CHD4: variants seen among roughly 807,000 people sequenced by gnomAD.
CHD4 encodes ATP-dependent chromatin remodeler CHD4.
CHD4 carries 35 observed loss-of-function variants against 235.5 expected under a neutral mutation model. The ratio of observed to expected loss-of-function variants is 0.15; its 90% CI spans 0.11 to 0.20. CHD4 has a LOEUF of 0.20. Among genes scored for constraint, CHD4 ranks in the 10% least tolerant of loss-of-function variants. The pLI, the probability that CHD4 is intolerant of heterozygous loss-of-function variation, is 1.00. For synonymous variants in CHD4, 900 were observed against 850.2 expected, an observed-to-expected ratio of 1.06 and a Z score of -1.02; for missense variants, 1,329 against 2,432.3, an observed-to-expected ratio of 0.55 and a Z score of 9.54.
rs1948529153 is a variant in CHD4, at chr12:6,598,007, C to T, written c.1779G>A (p.Glu593=). The change falls in exon 12 of 40, where the codon GAG becomes GAA. Residue 593 remains glutamate (E), a synonymous_variant. Coordinates refer to ENST00000544040, the MANE Select transcript of CHD4 (RefSeq NM_001273.5). ...CCTTGTTCTTTCGCTTTCGGCTTTTCTCTTCATCACCACCAAAGTCCCCAG... is the reference window on the plus strand; with the variant it reads ...CCTTGTTCTTTCGCTTTCGGCTTTTTTCTTCATCACCACCAAAGTCCCCAG... ...PPSGDFGGDE[E]KSRKRKNKDP... The T allele has an allele frequency of 1.9e-6, 3 of 1,614,102 alleles. No individual in the cohort carries two copies. Among genetic ancestry groups the T allele is most frequent in the South Asian group, 1.1e-5 (1 of 91,084 alleles).
chr12:6,584,384 G>A (rs1948245541), intron 25 of CHD4: 2 of 152,158 alleles, frequency 1.3e-5, no homozygotes, highest in Non-Finnish European at 1.5e-5. Flanking sequence ...AAAGAGATAC[G>A]TGTGTGTACA....
At chr12:6,599,422 A>G (rs1337949097) in intron 10 of CHD4, among the ~76,000 whole-genome samples, 1 of 152,142 alleles carries the variant, frequency 6.6e-6, no homozygotes, top group East Asian at 1.9e-4. Context: ...CCCGGATGAC[A>G]GAATGAGACC....
intron 3 of CHD4, 62 bp from the exon 4 acceptor site, chr12:6,602,237 T>C (rs573196276): frequency 6.2e-7 from 1 of 1,602,474 alleles, no homozygotes; most frequent in East Asian, 2.2e-5. Context: ...CATGCTGACC[T>C]CAGGACAGCC....
chr12:6,572,013 C>A, intron 38 of CHD4: 1 of 152,422 alleles, frequency 6.6e-6, no homozygotes, highest in Non-Finnish European at 1.5e-5. Flanking sequence ...GTAGTCCCAG[C>A]TACTCAGGAG....
At position 6,600,567 on chromosome 12, in the gene CHD4, T is replaced by C. The variant is rs1948571552; in HGVS notation, c.1030A>G (p.Lys344Glu). The part of the protein sequence containing the change: ...GSTSRSSRSR[K>E]KLRTTKKKKK... ...TTCTTTTTAGTGGTTCGGAGTTTCT[T>C]GCGGCTGCGGCTACTACGGCTGGTG... is the stretch of plus-strand genomic sequence containing the variant. The change falls in exon 8 of 40, where the codon AAG becomes GAG. Residue 344 changes from lysine (K) to glutamate (E), a missense_variant. Lys to Glu is a moderately conservative substitution (Grantham distance 56, BLOSUM62 1). Transcript: ENST00000544040. The C allele has an allele frequency of 6.2e-7, 1 of 1,614,128 alleles. No individual in the cohort carries two copies. Among genetic ancestry groups the C allele is most frequent in the Non-Finnish European group, 8.5e-7 (1 of 1,180,024 alleles).
intron 12 of CHD4, among the ~76,000 whole-genome samples, chr12:6,596,716 CT>C (rs1455618188): frequency 5.3e-5 from 8 of 152,000 alleles, no homozygotes; most frequent in African/African-American, 1.9e-4. Flanking sequence ...AGGAGAATTG[CT>C]TGAACCCGGG....
chr12:6,582,168 C>A lies in CHD4; in HGVS notation c.4484G>T (p.Arg1495Ile). 6.3e-7 allele frequency: 1 copy of A among 1,591,926 alleles called. No individual in the cohort carries two copies. Among genetic ancestry groups the A allele is most frequent in the Non-Finnish European group, 8.5e-7 (1 of 1,170,674 alleles). The stretch of plus-strand genomic sequence containing the variant: ...GCGAATCAAAGACATAACACCAATT[C>A]TAGTAAGGACATGCTGGCGAGACAG... Reference protein sequence around the residue: ...EGLSRQHVLTRIGVMSLIRKK... With the variant: ...EGLSRQHVLTIIGVMSLIRKK... Residue 1495 changes from arginine to isoleucine, a missense_variant, in exon 30 of 40, where the codon AGA becomes ATA. Arg to Ile is a moderately conservative substitution (Grantham distance 97, BLOSUM62 -3). Around this residue, in one of 26 missense-constraint regions of CHD4, gnomAD observed 48 missense variants for 109.6 expected, o/e 0.44. Coordinates refer to ENST00000544040, the MANE Select transcript of CHD4 (RefSeq NM_001273.5).
At chr12:6,575,189 T>C (rs1450007393) in intron 37 of CHD4, among the ~76,000 whole-genome samples, 1 of 152,182 alleles carries the variant, frequency 6.6e-6, no homozygotes, top group Non-Finnish European at 1.5e-5. Flanking sequence ...GGCTCACACT[T>C]GTAATCCCAG....
At chr12:6,580,962 G>A (rs917629805) in intron 33 of CHD4, 82 bp downstream of exon 33, 68 of 1,509,486 alleles carry the variant, frequency 4.5e-5, no homozygotes, top group East Asian at 2.0e-4. Context: ...AGCCAAGATC[G>A]CGCCACAGCA....
chr12:6,587,334 A>C, intron 25 of CHD4, 50 bp downstream of exon 25: 1 of 1,579,382 alleles, frequency 6.3e-7, no homozygotes, highest in East Asian at 2.3e-5. Context: ...TCTCAATGCC[A>C]ATTTTCAGAC....
chr12:6,590,280 G>A (rs1020101195), intron 22 of CHD4: 10 of 152,136 alleles, frequency 6.6e-5, no homozygotes, highest in South Asian at 2.1e-4. Flanking sequence ...AATGGAACAC[G>A]GGACCTGGGA....
intron 14 of CHD4, 55 bp from the exon 15 acceptor site, chr12:6,594,705 A>G: frequency 6.6e-7 from 1 of 1,510,196 alleles, no homozygotes; most frequent in South Asian, 1.2e-5. Flanking sequence ...CTCCTCCCCT[A>G]ATAGAGCAGC....
At chr12:6,573,395 C>T (rs369776883) in intron 37 of CHD4, 126 bp from the exon 38 acceptor site, 3 of 684,052 alleles carry the variant, frequency 4.4e-6, no homozygotes, top group East Asian at 3.4e-5. Context: ...ACTTCATGGA[C>T]AGCTCATTCC....
Position 6,594,567 on chromosome 12 carries a change from A to G in CHD4, c.2205T>C (p.Asn735=), listed in dbSNP as rs750708586. 6 of 1,614,160 alleles carry G rather than the reference A, an allele frequency of 3.7e-6. No individual in the cohort carries two copies. Among genetic ancestry groups the G allele is most frequent in the Admixed American group, 3.3e-5 (2 of 60,012 alleles). Residue 735 remains asparagine (N), a synonymous_variant, in exon 15 of 40, where the codon AAT becomes AAC. Coordinates refer to ENST00000544040, the MANE Select transcript of CHD4 (RefSeq NM_001273.5). Reference sequence around the variant, plus strand: ...CCTGAGCCCAGGAGAAGCGCAACCAATTCAGGCCCTCCATTTGATAGGGGT... The same window carrying G: ...CCTGAGCCCAGGAGAAGCGCAACCAGTTCAGGCCCTCCATTTGATAGGGGT... ...TLHPYQMEGL[N]WLRFSWAQGT...
rs748803108 is a variant in CHD4, at chr12:6,594,495, T to C, written c.2277A>G (p.Val759=). 6.8e-6 allele frequency: 11 copies of C among 1,613,756 alleles called. No individual in the cohort carries two copies. The highest frequency in any genetic ancestry group is 7.6e-6 in the Non-Finnish European group (9 of 1,179,872). ...LADEMGLGKT[V]QTAVFLYSLY... Reference sequence around the variant, plus strand: ...GGGAATACAGGAAGACTGCTGTCTGTACAGTTTTCCCAAGGCCCATCTCAT... The same window carrying C: ...GGGAATACAGGAAGACTGCTGTCTGCACAGTTTTCCCAAGGCCCATCTCAT... Residue 759 remains valine (V), a synonymous_variant, in exon 15 of 40, where the codon GTA becomes GTG. Transcript: ENST00000544040.
At chr12:6,574,978 C>G (rs945150753) in intron 37 of CHD4, among the ~76,000 whole-genome samples, 2 of 152,138 alleles carry the variant, frequency 1.3e-5, no homozygotes, top group Non-Finnish European at 2.9e-5. Flanking sequence ...CTATTTCATG[C>G]CACTTCATGA....
rs1221725344 is a variant in CHD4 at position 6,583,328 on chromosome 12, A to G, written c.3930T>C (p.Asp1310=). ...REIIKQEESV[D]PDYWEKLLRH... is the part of the protein sequence containing the mutation. The stretch of plus-strand genomic sequence containing the variant: ...GCAGCAATTTCTCCCAGTAGTCAGG[A>G]TCCACACTTTCTTCCTGTTTAATGA... Residue 1310 remains aspartate (D), a synonymous_variant, in exon 26 of 40, where the codon GAT becomes GAC. Coordinates refer to ENST00000544040, the MANE Select transcript of CHD4 (RefSeq NM_001273.5). 1 of 1,613,998 alleles carries G rather than the reference A, an allele frequency of 6.2e-7. No individual in the cohort carries two copies. Among genetic ancestry groups the G allele is most frequent in the East Asian group, 2.2e-5 (1 of 44,892 alleles).
intron 37 of CHD4, among the ~76,000 whole-genome samples, chr12:6,576,941 C>CT (rs571716589): frequency 3.4e-3 from 495 of 146,616 alleles, no homozygotes; most frequent in African/African-American, 9.2e-3. Flanking sequence ...ACAGACACGT[C>CT]TTTTTTTTTT....
rs779959446 is a variant in CHD4, at chr12:6,594,447, A to G, written c.2313+12T>C. On this transcript the variant is annotated intron_variant, in intron 15 of 39. Coordinates refer to ENST00000544040, the MANE Select transcript of CHD4 (RefSeq NM_001273.5). Reference sequence around the variant, plus strand: ...ACCCACACAAAAAACTATCCACCCCAGATTTCCTTACCTCCTTGTAAAGGG... The same window carrying G: ...ACCCACACAAAAAACTATCCACCCCGGATTTCCTTACCTCCTTGTAAAGGG... 2.5e-6 allele frequency: 4 copies of G among 1,595,974 alleles called. No individual in the cohort carries two copies. The highest frequency in any genetic ancestry group is 1.3e-5 in the African/African-American group (1 of 74,416).
Sources: gnomAD v4.1 joint callset for allele counts (sites outside exome capture counted in the v4.1 genomes callset) on GRCh38, gnomAD v4.1.1 for gene constraint, gnomAD v4.1.1 regional missense constraint, MANE v1.5 for transcripts, NCBI Gene and HGNC (gene_info 2026-07-23, HGNC 2026-07-21) for gene names.